The following MAPT variants were observed in gnomAD, a reference collection of about 807,000 sequenced individuals.
The protein encoded by MAPT is microtubule associated protein tau.
MAPT carries 34 observed loss-of-function variants against 67.9 expected under a neutral mutation model. The ratio of observed to expected loss-of-function variants is 0.50; its 90% CI spans 0.38 to 0.67. MAPT has a LOEUF of 0.67. Among genes scored for constraint, MAPT ranks in the 30% least tolerant of loss-of-function variants. The probability of loss-of-function intolerance (pLI) is 0.00; values close to 1 mark genes in which losing one functional copy is unlikely to be tolerated. For missense variants in MAPT, 881 were observed against 1,115.2 expected, an observed-to-expected ratio of 0.79 and a Z score of 2.99; for synonymous variants, 456 against 464.5, an observed-to-expected ratio of 0.98 and a Z score of 0.23.
At chr17:45,924,203 C>G (rs897249192) in intron 1 of MAPT, among the ~76,000 whole-genome samples, 1 of 152,130 alleles carries the variant, frequency 6.6e-6, no homozygotes, top group Non-Finnish European at 1.5e-5. Context: ...CTCCCAACCC[C>G]CTGTCCAAGA....
At chr17:45,945,780 T>C (rs936845698) in intron 1 of MAPT, among the ~76,000 whole-genome samples, 3 of 151,124 alleles carry the variant, frequency 2.0e-5, no homozygotes, top group African/African-American at 7.3e-5. Context: ...ACCACTGTAC[T>C]CAAACCGAGG....
chr17:45,916,851 ATGGCAAAG>A (rs1180606262), intron 1 of MAPT, among the ~76,000 whole-genome samples: 6 of 152,208 alleles, frequency 3.9e-5, no homozygotes, highest in Non-Finnish European at 8.8e-5. Context: ...CAGCAGGTTC[ATGGCAAAG>A]CTGGACTAGC....
intron 1 of MAPT, chr17:45,895,862 G>A (rs2063168480): frequency 1.3e-5 from 2 of 152,314 alleles, no homozygotes; most frequent in African/African-American, 2.4e-5. Context: ...AGGACAGGGC[G>A]GGGCCTGGCA....
intron 1 of MAPT, among the ~76,000 whole-genome samples, chr17:45,942,207 C>T (rs757054172): frequency 6.6e-6 from 1 of 152,250 alleles, no homozygotes; most frequent in Non-Finnish European, 1.5e-5. Flanking sequence ...TTTGACTACA[C>T]ATATATGTAT....
chr17:46,017,342 C>T (rs887597752), intron 11 of MAPT, among the ~76,000 whole-genome samples: 4 of 151,744 alleles, frequency 2.6e-5, no homozygotes, highest in East Asian at 3.9e-4. Context: ...GGTGCGATCT[C>T]GGCTCACTGC....
chr17:45,940,325 T>C (rs1364360528), intron 1 of MAPT, among the ~76,000 whole-genome samples: 1 of 152,218 alleles, frequency 6.6e-6, no homozygotes, highest in Admixed American at 6.5e-5. Flanking sequence ...CTTGTCTGAA[T>C]CCTGGTTTCA....
chr17:45,934,547 T>C (rs1265105401), intron 1 of MAPT, among the ~76,000 whole-genome samples: 2 of 152,180 alleles, frequency 1.3e-5, no homozygotes, highest in Non-Finnish European at 2.9e-5. Context: ...ACGTATGTCC[T>C]GCGGGCTCCT....
At chr17:45,980,520 A>G (rs1190429760) in intron 4 of MAPT, 2 of 151,424 alleles carry the variant, frequency 1.3e-5, no homozygotes, top group Non-Finnish European at 2.9e-5. Context: ...AAAAAAAAAA[A>G]AAAGAACATT....
intron 1 of MAPT, among the ~76,000 whole-genome samples, chr17:45,949,874 C>T (rs374731433): frequency 6.6e-6 from 1 of 152,150 alleles, no homozygotes; most frequent in East Asian, 1.9e-4. Context: ...CAGCAAGAAA[C>T]AGCCCCAGAT....
intron 9 of MAPT, among the ~76,000 whole-genome samples, chr17:46,008,120 G>A (rs184188054): frequency 2.6e-5 from 4 of 152,196 alleles, no homozygotes; most frequent in African/African-American, 7.2e-5. Context: ...ATTTTGAGAC[G>A]AAGTCTCATT....
intron 1 of MAPT, among the ~76,000 whole-genome samples, chr17:45,954,453 C>A (rs1453820548): frequency 6.6e-6 from 1 of 152,096 alleles, no homozygotes; most frequent in Non-Finnish European, 1.5e-5. Context: ...AAGACTCCAT[C>A]TCTACAAAAA....
chr17:46,024,311 C>A lies in MAPT; in HGVS notation c.*140C>A. 1.3e-6 allele frequency: 1 copy of A among 773,640 alleles called. No individual in the cohort carries two copies. Among genetic ancestry groups the A allele is most frequent in the Non-Finnish European group, 2.2e-6 (1 of 456,392 alleles). 47.9% of individuals were successfully genotyped at this position (773,640 alleles called of 1,614,324 possible). A position where few individuals can be genotyped will look rare whatever the true frequency, so the allele number is the denominator to read the frequency against. On this transcript the variant is annotated 3_prime_UTR_variant, in exon 13 of 13. Transcript: ENST00000262410. ...GTTAATTGGTTAATCACTTAACCTG[C>A]TTTTGTCACTCGGCTTTGGCTCGGG...
intron 6 of MAPT, among the ~76,000 whole-genome samples, chr17:45,988,771 T>G (rs1457986230): frequency 1.3e-5 from 2 of 151,720 alleles, no homozygotes; most frequent in South Asian, 2.1e-4. Flanking sequence ...AAAAAAAAAT[T>G]TAATTGGCCA....
intron 1 of MAPT, among the ~76,000 whole-genome samples, chr17:45,924,794 C>G (rs2066117208): frequency 6.6e-6 from 1 of 152,240 alleles, no homozygotes; most frequent in Non-Finnish European, 1.5e-5. Flanking sequence ...TCATGTCTAG[C>G]TGATCAGCAA....
intron 3 of MAPT, chr17:45,975,538 A>G (rs1438031585): frequency 6.6e-6 from 1 of 152,204 alleles, no homozygotes; most frequent in African/African-American, 2.4e-5. Flanking sequence ...CTGTGGCATG[A>G]TCACAGGATG....
At chr17:45,966,156 A>G (rs1487528442) in intron 2 of MAPT, among the ~76,000 whole-genome samples, 2 of 152,234 alleles carry the variant, frequency 1.3e-5, no homozygotes, top group East Asian at 3.8e-4. Context: ...TAAAATATGT[A>G]TTATGCTGCA....
At chr17:45,901,560 A>G (rs1231171521) in intron 1 of MAPT, among the ~76,000 whole-genome samples, 1 of 152,244 alleles carries the variant, frequency 6.6e-6, no homozygotes, top group Non-Finnish European at 1.5e-5. Flanking sequence ...TCCAATAAGT[A>G]TAGTCATTTA....
At chr17:45,965,860 A>T (rs1318039178) in intron 2 of MAPT, among the ~76,000 whole-genome samples, 4 of 152,258 alleles carry the variant, frequency 2.6e-5, no homozygotes, top group Admixed American at 2.6e-4. Flanking sequence ...TGTTGGCAGC[A>T]GGTGATGCTC....
At chr17:45,909,851 C>T (rs1055975659) in intron 1 of MAPT, among the ~76,000 whole-genome samples, 3 of 122,624 alleles carry the variant, frequency 2.4e-5, no homozygotes, top group Admixed American at 1.1e-4. Context: ...GCCTGGTTGA[C>T]AGAGCAAGAC....
Sources: gnomAD v4.1 joint callset for allele counts (sites outside exome capture counted in the v4.1 genomes callset) on GRCh38, gnomAD v4.1.1 for gene constraint, MANE v1.5 for transcripts, NCBI Gene and HGNC (gene_info 2026-07-23, HGNC 2026-07-21) for gene names.